Variants in BCAS3 observed in about 807,000 individuals in gnomAD.
The protein encoded by BCAS3 is BCAS3 microtubule associated cell migration factor, also known as BCAS4/BCAS3 fusion.
Under a neutral mutation model 116.1 loss-of-function variants are expected in BCAS3, and 53 were observed. The observed-to-expected ratio is 0.46, with a 90% CI of 0.37 to 0.57. The LOEUF (loss-of-function observed/expected upper bound fraction) is 0.57. BCAS3 is among the 20% of genes least tolerant of loss of function. The probability of loss-of-function intolerance (pLI) is 0.00; values close to 1 mark genes in which losing one functional copy is unlikely to be tolerated. For synonymous variants in BCAS3, 391 were observed against 408.2 expected (o/e 0.96, Z 0.51); for missense variants, 917 against 1,165.4 (o/e 0.79, Z 3.10).
chr17:61,123,528 C>T (rs184115032), intron 22 of BCAS3, among the ~76,000 whole-genome samples: 143 of 152,124 alleles, frequency 9.4e-4, no homozygotes, highest in African/African-American at 3.0e-3. Context: ...TGAGCAAACC[C>T]AGCCCTATTT....
intron 19 of BCAS3, among the ~76,000 whole-genome samples, chr17:61,059,063 C>CTTTTTTTTTTTTTTTTTTTTTTTTTTT (rs869090870): frequency 3.0e-5 from 1 of 32,802 alleles, no homozygotes; most frequent in Non-Finnish European, 6.3e-5. Flanking sequence ...TTCTCCCCAT[C>CTTTTTTTTTTTTTTTTTTTTTTTTTTT]TTTTTTTTTT....
intron 6 of BCAS3, among the ~76,000 whole-genome samples, chr17:60,763,297 G>T (rs2043731745): frequency 6.6e-6 from 1 of 152,194 alleles, no homozygotes; most frequent in African/African-American, 2.4e-5. Flanking sequence ...AATGCTTCCA[G>T]TTTTTGCCCA....
chr17:60,749,895 C>T (rs983181632), intron 6 of BCAS3, among the ~76,000 whole-genome samples: 5 of 152,142 alleles, frequency 3.3e-5, no homozygotes, highest in Admixed American at 6.5e-5. Context: ...GGGATGGGCA[C>T]GGTGGTTCAT....
chr17:60,791,655 C>T (rs183389501), intron 6 of BCAS3, among the ~76,000 whole-genome samples: 24 of 152,214 alleles, frequency 1.6e-4, no homozygotes, highest in African/African-American at 5.5e-4. Flanking sequence ...AAAACAGACA[C>T]AAGAAATGCT....
chr17:61,112,924 T>TCC (rs1386776083), intron 22 of BCAS3, among the ~76,000 whole-genome samples: 3 of 148,304 alleles, frequency 2.0e-5, no homozygotes, highest in African/African-American at 7.4e-5. Context: ...GAACTCAGGA[T>TCC]TAAGAATCTC....
intron 4 of BCAS3, among the ~76,000 whole-genome samples, chr17:60,699,024 C>G (rs574096711): frequency 3.3e-5 from 5 of 152,278 alleles, no homozygotes; most frequent in Admixed American, 3.3e-4. Flanking sequence ...CATCACTACA[C>G]TCTAACCTTA....
chr17:61,261,948 A>G lies in BCAS3; in HGVS notation c.2426-106379A>G, dbSNP rs2049241415. Among the ~76,000 whole-genome samples, 2 of 152,228 alleles carry G rather than the reference A, an allele frequency of 1.3e-5. No homozygotes were observed. Among genetic ancestry groups the G allele is most frequent in the African/African-American group, 2.4e-5 (1 of 41,454 alleles). On this transcript the variant is annotated intron_variant, in intron 22 of 23. Coordinates refer to ENST00000407086, the MANE Select transcript of BCAS3 (RefSeq NM_017679.5). The surrounding 1 kb of genome is among the most constrained non-coding windows in gnomAD (Gnocchi z 4.4). ...GGTTTTCCTAGTGAAGAGAAAGCTAAGAGAGATGAGACAAGGATGTCCACG... is the reference window on the plus strand; with the variant it reads ...GGTTTTCCTAGTGAAGAGAAAGCTAGGAGAGATGAGACAAGGATGTCCACG...
At chr17:61,247,077 C>A (rs2048031027) in intron 22 of BCAS3, among the ~76,000 whole-genome samples, 2 of 152,066 alleles carry the variant, frequency 1.3e-5, no homozygotes, top group Non-Finnish European at 2.9e-5. Context: ...AATTTCACTG[C>A]TACTTTCTGA....
Position 61,134,747 on chromosome 17 carries a change from G to GT in BCAS3, c.2425+50189dup, listed in dbSNP as rs1056412693. ...TTCAAAACAATCCTTTTTGACATCA[G>GT]TTTTTTGTTCCTAAGAAAAGTTAAG... On this transcript the variant is annotated intron_variant, in intron 22 of 23. Coordinates refer to ENST00000407086, the MANE Select transcript of BCAS3 (RefSeq NM_017679.5). This position sits in a 1 kb window ranked among gnomAD's most constrained non-coding sequence, Gnocchi z 4.6. Among the ~76,000 whole-genome samples, 1 of 152,060 alleles carries GT rather than the reference G, an allele frequency of 6.6e-6. No individual in the cohort carries two copies. Among genetic ancestry groups the GT allele is most frequent in the African/African-American group, 2.4e-5 (1 of 41,414 alleles).
rs2143851824 is a variant in BCAS3, at chr17:61,128,564, A to G, written c.2425+44000A>G. The G allele has an allele frequency of 2.0e-6, 2 of 985,416 alleles. No individual in the cohort carries two copies. Among genetic ancestry groups the G allele is most frequent in the East Asian group, 1.1e-4 (1 of 8,812 alleles). The allele number at this position is 985,416 out of a possible 1,614,324, so 61.0% of individuals were successfully genotyped here. A position where few individuals can be genotyped will look rare whatever the true frequency, so the allele number is the denominator to read the frequency against. ...TTTGAATCGTTTGACTGCTATACAC[A>G]ATCCCCAGCACTTATAAAATAAAAA... On this transcript the variant is annotated intron_variant, in intron 22 of 23. Coordinates refer to ENST00000407086, the MANE Select transcript of BCAS3 (RefSeq NM_017679.5). This position sits in a 1 kb window ranked among gnomAD's most constrained non-coding sequence, Gnocchi z 4.1.
intron 19 of BCAS3, among the ~76,000 whole-genome samples, chr17:61,048,505 C>T (rs903312584): frequency 4.6e-5 from 7 of 151,936 alleles, no homozygotes; most frequent in Admixed American, 3.3e-4. Context: ...TCCAGTAAGA[C>T]CAAAGAAGAG....
intron 7 of BCAS3, among the ~76,000 whole-genome samples, chr17:60,843,740 T>G (rs2052208386): frequency 6.6e-6 from 1 of 152,236 alleles, no homozygotes; most frequent in Non-Finnish European, 1.5e-5. Flanking sequence ...AACATGGCTG[T>G]ATGGACAGTG....
In BCAS3 at chr17:60,887,778, A is replaced by G. The variant is rs532265651; in HGVS notation, c.662-1917A>G. On this transcript the variant is annotated intron_variant, in intron 9 of 23. Coordinates refer to ENST00000407086, the MANE Select transcript of BCAS3 (RefSeq NM_017679.5). ...TTCAGTTTTTTTGTTTTTTGAAATG[A>G]ATTCAGGTCACCTCTCCATTAGGAC... 5.3e-5 allele frequency among the ~76,000 whole-genome samples: 8 copies of G among 152,294 alleles called. No individual in the cohort carries two copies. The East Asian group carries it at 1.5e-3, about 29-fold the overall frequency.
intron 18 of BCAS3, 75 bp downstream of exon 18, chr17:61,038,129 A>G: frequency 7.4e-7 from 1 of 1,348,082 alleles, no homozygotes; most frequent in Middle Eastern, 1.9e-4. Flanking sequence ...TAATTTGATA[A>G]GTTTTGACAT....
intron 7 of BCAS3, among the ~76,000 whole-genome samples, chr17:60,821,384 A>G (rs1468524873): frequency 6.6e-6 from 1 of 152,224 alleles, no homozygotes; most frequent in Non-Finnish European, 1.5e-5. Context: ...TCAATGAACT[A>G]TACATATTTA....
intron 15 of BCAS3, among the ~76,000 whole-genome samples, chr17:61,002,252 A>G (rs1396023565): frequency 6.6e-6 from 1 of 152,142 alleles, no homozygotes; most frequent in African/African-American, 2.4e-5. Flanking sequence ...TTTTGGATAT[A>G]ACACATTTCT....
Position 61,065,476 on chromosome 17 carries a change from T to C in BCAS3, c.2030-9444T>C, listed in dbSNP as rs1192770915. ...ATTGAGGTTTGTCCTTGGGAGAGAG[T>C]TTATCACTGTTGGCCTTTGGGTGAA... On this transcript the variant is annotated intron_variant, in intron 19 of 23. Coordinates refer to ENST00000407086, the MANE Select transcript of BCAS3 (RefSeq NM_017679.5). This position sits in a 1 kb window ranked among gnomAD's most constrained non-coding sequence, Gnocchi z 4.8. Among the ~76,000 whole-genome samples the C allele has an allele frequency of 1.3e-5, 2 of 152,112 alleles. No homozygotes were observed. Among genetic ancestry groups the C allele is most frequent in the Non-Finnish European group, 2.9e-5 (2 of 67,986 alleles).
At chr17:60,922,283 T>C (rs915590956) in intron 12 of BCAS3, among the ~76,000 whole-genome samples, 8 of 152,094 alleles carry the variant, frequency 5.3e-5, no homozygotes, top group Non-Finnish European at 1.2e-4. Context: ...CGCGCCACCA[T>C]GTCCGGCTAA....
rs111251340 is a variant in BCAS3, at chr17:61,144,667, T to TG, written c.2425+60103_2425+60104insG. ...GTCATTTAACAATACAATATTTCTC[T>TG]CGTGTTCTTGAGCATGTATTTAAGT... On this transcript the variant is annotated intron_variant, in intron 22 of 23. Coordinates refer to ENST00000407086, the MANE Select transcript of BCAS3 (RefSeq NM_017679.5). The surrounding 1 kb of genome is among the most constrained non-coding windows in gnomAD (Gnocchi z 5.0). Among the ~76,000 whole-genome samples the TG allele has an allele frequency of 2.3e-3, 357 of 152,354 alleles. 1 individual carries two copies. Among genetic ancestry groups the TG allele is most frequent in the African/African-American group, 8.3e-3 (344 of 41,592 alleles).
Sources: gnomAD v4.1 joint callset for allele counts (sites outside exome capture counted in the v4.1 genomes callset) on GRCh38, gnomAD v4.1.1 for gene constraint, Gnocchi (gnomAD v3.1) non-coding constraint, MANE v1.5 for transcripts, NCBI Gene and HGNC (gene_info 2026-07-23, HGNC 2026-07-21) for gene names.